The following FBXL7 variants were observed in gnomAD, a reference collection of about 807,000 sequenced individuals.
The protein encoded by FBXL7 is F-box/LRR-repeat protein 7.
FBXL7 carries 12 observed loss-of-function variants against 38.3 expected under a neutral mutation model. That is an observed-to-expected ratio of 0.31 (90% CI 0.20 to 0.51). The LOEUF (loss-of-function observed/expected upper bound fraction) is 0.51, where lower values mean the gene tolerates loss of function less well. Ranked by LOEUF, FBXL7 falls within the 20% of genes least tolerant of loss-of-function variation. The pLI is 0.98. For missense variants in FBXL7, 567 were observed against 676.4 expected, an observed-to-expected ratio of 0.84 and a Z score of 1.79; for synonymous variants, 297 against 300.9, an observed-to-expected ratio of 0.99 and a Z score of 0.13.
At chr5:15,679,170 C>A (rs1742755959) in intron 2 of FBXL7, among the ~76,000 whole-genome samples, 1 of 152,194 alleles carries the variant, frequency 6.6e-6, no homozygotes, top group Admixed American at 6.5e-5. Context: ...GCATTATAGA[C>A]AAACCCCAGC....
At chr5:15,845,291 C>G (rs981013494) in intron 2 of FBXL7, among the ~76,000 whole-genome samples, 1 of 152,186 alleles carries the variant, frequency 6.6e-6, no homozygotes, top group African/African-American at 2.4e-5. Context: ...GTTTGTCTTT[C>G]TGCACATACC....
intron 2 of FBXL7, among the ~76,000 whole-genome samples, chr5:15,621,259 T>G (rs564973043): frequency 6.6e-6 from 1 of 152,318 alleles, no homozygotes; most frequent in Admixed American, 6.5e-5. Context: ...TTGTGACAGT[T>G]TAAGTTTCTA....
At chr5:15,748,981 A>G (rs1736084601) in intron 2 of FBXL7, among the ~76,000 whole-genome samples, 1 of 152,138 alleles carries the variant, frequency 6.6e-6, no homozygotes, top group Non-Finnish European at 1.5e-5. Flanking sequence ...ACGGTGGCTT[A>G]TGCCTGTAAT....
At chr5:15,733,281 C>T (rs1026701241) in intron 2 of FBXL7, among the ~76,000 whole-genome samples, 2 of 152,060 alleles carry the variant, frequency 1.3e-5, no homozygotes, top group African/African-American at 2.4e-5. Flanking sequence ...TTAGTAGAGA[C>T]GGGGTTTCAC....
chr5:15,569,467 C>A (rs1444505611), intron 1 of FBXL7, among the ~76,000 whole-genome samples: 14 of 151,354 alleles, frequency 9.2e-5, no homozygotes, highest in East Asian at 1.9e-4. Flanking sequence ...CTGAAGTTGC[C>A]TATCAGCTTA....
intron 2 of FBXL7, among the ~76,000 whole-genome samples, chr5:15,822,622 C>CTTTTTTTT (rs371800054): frequency 1.5e-5 from 2 of 131,806 alleles, no homozygotes; most frequent in Non-Finnish European, 1.6e-5. Context: ...GCTGGTTGCT[C>CTTTTTTTT]TTTTTTTTTT....
At chr5:15,737,319 G>A (rs1166338726) in intron 2 of FBXL7, among the ~76,000 whole-genome samples, 1 of 152,044 alleles carries the variant, frequency 6.6e-6, no homozygotes, top group African/African-American at 2.4e-5. Context: ...TATATCTCCA[G>A]TCACAGCCAC....
intron 2 of FBXL7, among the ~76,000 whole-genome samples, chr5:15,927,200 G>T (rs943517297): frequency 1.8e-4 from 27 of 152,196 alleles, no homozygotes; most frequent in Non-Finnish European, 3.2e-4. Flanking sequence ...ACGCTCCTTT[G>T]TTTACACTCT....
chr5:15,816,036 A>C (rs930361294), intron 2 of FBXL7, among the ~76,000 whole-genome samples: 2 of 152,158 alleles, frequency 1.3e-5, no homozygotes, highest in Non-Finnish European at 2.9e-5. Flanking sequence ...CTCAAAAATA[A>C]ATTATTATAA....
intron 2 of FBXL7, among the ~76,000 whole-genome samples, chr5:15,789,217 T>G (rs1352464439): frequency 1.3e-5 from 2 of 152,074 alleles, no homozygotes; most frequent in Admixed American, 1.3e-4. Context: ...TTTTTTTTTG[T>G]TGTTGTTAGC....
chr5:15,660,497 C>T (rs1178510844), intron 2 of FBXL7, among the ~76,000 whole-genome samples: 1 of 152,184 alleles, frequency 6.6e-6, no homozygotes, highest in Non-Finnish European at 1.5e-5. Flanking sequence ...GCTGGGATTA[C>T]AGGCATCCAC....
At chr5:15,792,786 A>G (rs934797110) in intron 2 of FBXL7, among the ~76,000 whole-genome samples, 2 of 152,262 alleles carry the variant, frequency 1.3e-5, no homozygotes, top group Admixed American at 6.5e-5. Context: ...GAAGCAGTGG[A>G]GGGATGAGGC....
intron 2 of FBXL7, among the ~76,000 whole-genome samples, chr5:15,634,612 C>T (rs572828490): frequency 6.6e-4 from 101 of 152,188 alleles, no homozygotes; most frequent in Non-Finnish European, 1.0e-3. Context: ...TGAGCCACTG[C>T]GCCTGGCTTT....
At chr5:15,800,789 C>CATA (rs1737543356) in intron 2 of FBXL7, among the ~76,000 whole-genome samples, 1 of 152,114 alleles carries the variant, frequency 6.6e-6, no homozygotes, top group African/African-American at 2.4e-5. Context: ...TTTGGGAGGC[C>CATA]ATAAGGCTAG....
At chr5:15,881,603 C>CT (rs1026869436) in intron 2 of FBXL7, among the ~76,000 whole-genome samples, 2 of 152,140 alleles carry the variant, frequency 1.3e-5, no homozygotes, top group Non-Finnish European at 2.9e-5. Context: ...AATCTCCACA[C>CT]TTTTTTTCCA....
chr5:15,903,886 T>C (rs1741291028), intron 2 of FBXL7, among the ~76,000 whole-genome samples: 1 of 152,176 alleles, frequency 6.6e-6, no homozygotes, highest in Non-Finnish European at 1.5e-5. Flanking sequence ...AATATAAAAA[T>C]CAGAATTGTA....
At chr5:15,581,250 G>A (rs559562306) in intron 1 of FBXL7, among the ~76,000 whole-genome samples, 1 of 152,070 alleles carries the variant, frequency 6.6e-6, no homozygotes, top group African/African-American at 2.4e-5. Flanking sequence ...TCTTTATTAT[G>A]TCATTAAAAA....
chr5:15,735,612 C>G (rs1735728989), intron 2 of FBXL7, among the ~76,000 whole-genome samples: 1 of 152,162 alleles, frequency 6.6e-6, no homozygotes, highest in African/African-American at 2.4e-5. Flanking sequence ...AAGTACAAGC[C>G]TTGATTTCCA....
At chr5:15,653,265 G>C (rs1406858885) in intron 2 of FBXL7, among the ~76,000 whole-genome samples, 1 of 152,172 alleles carries the variant, frequency 6.6e-6, no homozygotes, top group African/African-American at 2.4e-5. Context: ...GGTGCCAGTA[G>C]ACTTGCTAAT....
Sources: allele counts gnomAD v4.1 joint callset (sites outside exome capture counted in the v4.1 genomes callset), GRCh38; gene constraint gnomAD v4.1.1; transcripts MANE v1.5; gene names NCBI Gene and HGNC (gene_info 2026-07-23, HGNC 2026-07-21).